Variants in STK32B observed in about 807,000 individuals in gnomAD.
The protein encoded by STK32B is serine/threonine kinase 32B.
In STK32B, 43 loss-of-function variants were observed where a neutral mutation model predicts 52.6. The observed-to-expected ratio is 0.82, with a 90% confidence interval of 0.64 to 1.05. STK32B has a LOEUF of 1.05. Among genes scored for constraint, STK32B ranks in the 50% least tolerant of loss-of-function variants. The pLI is 0.00. For synonymous variants in STK32B, 238 were observed against 204.3 expected, an observed-to-expected ratio of 1.17 and a Z score of -1.41; for missense variants, 621 against 534.6, an observed-to-expected ratio of 1.16 and a Z score of -1.59.
Position 5,460,336 on chromosome 4 carries a change from C to G in STK32B, c.909+108C>G. On this transcript the variant is annotated intron_variant, in intron 9 of 11. Transcript: ENST00000282908. This position sits in a 1 kb window ranked among gnomAD's most constrained non-coding sequence, Gnocchi z 4.8. ...TAGTGAGCCCTCTGCTGGCCACTTC[C>G]ACCTGAGCACCAAGGGCTTATGTCT... The G allele has an allele frequency of 6.8e-7, 1 of 1,475,454 alleles. No individual in the cohort carries two copies. The highest frequency in any genetic ancestry group is 2.3e-5 in the East Asian group (1 of 43,224). 91.4% of individuals were successfully genotyped at this position (1,475,454 alleles called of 1,614,324 possible). A position where few individuals can be genotyped will look rare whatever the true frequency, so the allele number is the denominator to read the frequency against.
At chr4:5,278,215 C>T (rs28482954) in intron 3 of STK32B, among the ~76,000 whole-genome samples, 5 of 152,154 alleles carry the variant, frequency 3.3e-5, no homozygotes, top group Admixed American at 2.6e-4. Flanking sequence ...GGACAAAATA[C>T]ATTTAAAAAT....
At chr4:5,171,300 T>G (rs201934436) in intron 3 of STK32B, among the ~76,000 whole-genome samples, 28,261 of 151,782 alleles carry the variant, frequency 0.19, 3,265 homozygotes, top group East Asian at 0.3. Context: ...GTGCAGAAGC[T>G]CTTTAGTTTA....
intron 3 of STK32B, among the ~76,000 whole-genome samples, chr4:5,221,731 C>T (rs919920830): frequency 9.2e-5 from 14 of 151,740 alleles, no homozygotes; most frequent in Non-Finnish European, 2.1e-4. Flanking sequence ...TCGTGTGTGC[C>T]TGTAGTCCCA....
intron 3 of STK32B, among the ~76,000 whole-genome samples, chr4:5,279,424 C>G (rs149899204): frequency 6.7e-6 from 1 of 148,444 alleles, no homozygotes; most frequent in South Asian, 2.1e-4. Context: ...ATGCAAAGGA[C>G]GGGCTTCCAA....
At chr4:5,404,728 C>T (rs1174135893) in intron 5 of STK32B, among the ~76,000 whole-genome samples, 1 of 151,848 alleles carries the variant, frequency 6.6e-6, no homozygotes, top group Non-Finnish European at 1.5e-5. Context: ...AGCATAATGA[C>T]CTCATCATCT....
At chr4:5,214,846 G>C (rs1333586355) in intron 3 of STK32B, among the ~76,000 whole-genome samples, 1 of 152,104 alleles carries the variant, frequency 6.6e-6, no homozygotes, top group Admixed American at 6.6e-5. Context: ...TTGTGAGAGA[G>C]GTATGAACAA....
chr4:5,320,661 C>G (rs11735990), intron 3 of STK32B, among the ~76,000 whole-genome samples: 34,648 of 152,034 alleles, frequency 0.23, 6,257 homozygotes, highest in African/African-American at 0.51. Context: ...GGATGTGCGT[C>G]TTAGACACTG....
chr4:5,208,828 G>A (rs1722734882), intron 3 of STK32B, among the ~76,000 whole-genome samples: 1 of 152,214 alleles, frequency 6.6e-6, no homozygotes. Flanking sequence ...CCCAAATCAA[G>A]CCCATCTGGT....
chr4:5,331,544 A>AT (rs1560326716), intron 4 of STK32B, 151 bp downstream of exon 4: 12 of 804,210 alleles, frequency 1.5e-5, no homozygotes, highest in East Asian at 2.9e-5. Context: ...TTTTCTTCCT[A>AT]TTTTTTTATG....
rs76545594 is a variant in STK32B, at chr4:5,150,528, T to C, written c.108+10568T>C. ...AACAAGCAGTTAACTTGGTTGGACT[T>C]ACATTGCATATTCTGCCTCTTTGGC... is the stretch of plus-strand genomic sequence containing the variant. On this transcript the variant is annotated intron_variant, in intron 2 of 11. Coordinates refer to ENST00000282908, the MANE Select transcript of STK32B (RefSeq NM_018401.3). Among the ~76,000 whole-genome samples, 378 of 152,332 alleles carry C rather than the reference T, an allele frequency of 2.5e-3. 5 individuals are homozygous for C. In the East Asian group the frequency reaches 0.036, roughly 15 times the overall value.
chr4:5,370,031 C>G (rs185166074), intron 4 of STK32B, among the ~76,000 whole-genome samples: 1 of 151,906 alleles, frequency 6.6e-6, no homozygotes, highest in African/African-American at 2.4e-5. Context: ...GCCACCATCA[C>G]GCCCGGCTAA....
At chr4:5,458,222 C>A (rs1216619156) in intron 8 of STK32B, among the ~76,000 whole-genome samples, 4 of 152,194 alleles carry the variant, frequency 2.6e-5, no homozygotes, top group Non-Finnish European at 5.9e-5. Flanking sequence ...GGCGGGAGAT[C>A]TTGGTGCCCT....
chr4:5,456,992 A>G (rs1716589168), intron 8 of STK32B, 69 bp downstream of exon 8: 1 of 1,152,346 alleles, frequency 8.7e-7, no homozygotes, highest in Non-Finnish European at 1.2e-6. Context: ...CATATCAGCA[A>G]ACGAAGGGGT....
intron 4 of STK32B, among the ~76,000 whole-genome samples, chr4:5,361,635 A>T (rs1053118349): frequency 6.6e-6 from 1 of 152,254 alleles, no homozygotes; most frequent in African/African-American, 2.4e-5. Context: ...GGCATAGGCC[A>T]TATTGCTTGG....
chr4:5,372,931 G>A (rs1228777610), intron 4 of STK32B, among the ~76,000 whole-genome samples: 12 of 152,178 alleles, frequency 7.9e-5, no homozygotes, highest in Non-Finnish European at 2.9e-5. Flanking sequence ...TGACCCAAAT[G>A]AGGAATCCTC....
chr4:5,145,976 A>G (rs1577104867), intron 2 of STK32B, among the ~76,000 whole-genome samples: 1 of 151,708 alleles, frequency 6.6e-6, no homozygotes, highest in Non-Finnish European at 1.5e-5. Flanking sequence ...AAAGTTTTAT[A>G]GAGTTAGCTT....
intron 11 of STK32B, among the ~76,000 whole-genome samples, chr4:5,490,147 C>G (rs1168817953): frequency 3.3e-5 from 5 of 150,898 alleles, no homozygotes; most frequent in Non-Finnish European, 7.4e-5. Flanking sequence ...CACTCTGCCA[C>G]CCAGGCTGGA....
At chr4:5,039,979 C>T in the STK32B span, among the ~76,000 whole-genome samples, 1 of 152,196 alleles carries the variant, frequency 6.6e-6, no homozygotes, top group African/African-American at 2.4e-5. Context: ...GAGGACGTCC[C>T]ACACCACGGC....
chr4:5,256,316 A>G (rs1026799798), intron 3 of STK32B, among the ~76,000 whole-genome samples: 2 of 152,190 alleles, frequency 1.3e-5, no homozygotes, highest in Non-Finnish European at 2.9e-5. Context: ...AAATTTTATC[A>G]TAGACTAAAA....
Sources: allele counts gnomAD v4.1 joint callset (sites outside exome capture counted in the v4.1 genomes callset), GRCh38; gene constraint gnomAD v4.1.1; non-coding constraint Gnocchi (gnomAD v3.1); transcripts MANE v1.5; gene names NCBI Gene and HGNC (gene_info 2026-07-23, HGNC 2026-07-21).